Variants in ZMAT4 observed in about 807,000 individuals in gnomAD.
ZMAT4 encodes zinc finger matrin-type protein 4.
ZMAT4 carries 17 observed loss-of-function variants against 28.7 expected under a neutral mutation model. The ratio of observed to expected loss-of-function variants is 0.59; its 90% CI spans 0.41 to 0.89. The LOEUF (loss-of-function observed/expected upper bound fraction) is 0.89, where lower values mean the gene tolerates loss of function less well. ZMAT4 is among the 40% of genes least tolerant of loss of function. The pLI, the probability that ZMAT4 is intolerant of heterozygous loss-of-function variation, is 0.00. For synonymous variants in ZMAT4, 117 were observed against 109.2 expected (o/e 1.07, Z -0.44); for missense variants, 240 against 283.8 (o/e 0.85, Z 1.11).
Position 40,859,785 on chromosome 8 carries a change from G to T in ZMAT4, c.-4-34105C>A, listed in dbSNP as rs188463126. On this transcript the variant is annotated intron_variant, in intron 1 of 6. Transcript: ENST00000297737. ...ACTATGAGCAGCCAAGTTAGGTCAT[G>T]AGGGGTGAGTGGAAAAAAAAAAGGC... Among the ~76,000 whole-genome samples, 16 of 151,920 alleles carry T rather than the reference G, an allele frequency of 1.1e-4. No homozygotes were observed. In the East Asian group the frequency reaches 3.1e-3, roughly 29 times the overall value.
At chr8:40,892,388 C>T (rs117128121) in intron 1 of ZMAT4, among the ~76,000 whole-genome samples, 3 of 152,274 alleles carry the variant, frequency 2.0e-5, no homozygotes, top group East Asian at 3.9e-4. Flanking sequence ...GGAGCCCCCC[C>T]AGGGATGGGT....
chr8:40,539,564 T>C (rs889575062), intron 6 of ZMAT4, among the ~76,000 whole-genome samples: 2 of 152,246 alleles, frequency 1.3e-5, no homozygotes, highest in South Asian at 4.1e-4. Context: ...TGGTTATTAA[T>C]TTCATTTAGC....
chr8:40,714,174 G>C (rs1217891283), intron 3 of ZMAT4, among the ~76,000 whole-genome samples: 1 of 152,058 alleles, frequency 6.6e-6, no homozygotes, highest in Admixed American at 6.6e-5. Context: ...ATAGTGATTT[G>C]AGAATGTGGA....
intron 2 of ZMAT4, among the ~76,000 whole-genome samples, chr8:40,806,475 T>A (rs1221284792): frequency 6.6e-6 from 1 of 152,200 alleles, no homozygotes; most frequent in Non-Finnish European, 1.5e-5. Flanking sequence ...TTCTCAGACA[T>A]GTGCTGCCAT....
At chr8:40,888,870 G>T (rs1013037463) in intron 1 of ZMAT4, among the ~76,000 whole-genome samples, 2 of 152,228 alleles carry the variant, frequency 1.3e-5, no homozygotes, top group African/African-American at 2.4e-5. Flanking sequence ...TAAGCCAAAG[G>T]CATGGCTTCT....
At chr8:40,806,207 C>T (rs1044644148) in intron 2 of ZMAT4, among the ~76,000 whole-genome samples, 5 of 152,182 alleles carry the variant, frequency 3.3e-5, no homozygotes, top group Non-Finnish European at 7.3e-5. Context: ...TGCATGTGGG[C>T]AGTTCGATCC....
chr8:40,679,361 G>C (rs1267677408), intron 4 of ZMAT4, among the ~76,000 whole-genome samples: 1 of 152,058 alleles, frequency 6.6e-6, no homozygotes, highest in East Asian at 1.9e-4. Flanking sequence ...ATATTAGTCT[G>C]TTCTCACCCT....
At chr8:40,598,832 TAG>T (rs1171630559) in intron 5 of ZMAT4, among the ~76,000 whole-genome samples, 2 of 151,876 alleles carry the variant, frequency 1.3e-5, no homozygotes, top group African/African-American at 2.4e-5. Context: ...ATGCAGTTTT[TAG>T]ATGTAGTTAT....
chr8:40,875,788 G>T (rs1818022805), intron 1 of ZMAT4, among the ~76,000 whole-genome samples: 1 of 152,068 alleles, frequency 6.6e-6, no homozygotes, highest in African/African-American at 2.4e-5. Context: ...GAGGTCATTG[G>T]TCCGCCCTTC....
chr8:40,633,245 C>T (rs549015745), intron 5 of ZMAT4, among the ~76,000 whole-genome samples: 3 of 151,882 alleles, frequency 2.0e-5, no homozygotes, highest in African/African-American at 7.2e-5. Flanking sequence ...CTGTTATTAA[C>T]CCCACATTCA....
intron 3 of ZMAT4, among the ~76,000 whole-genome samples, chr8:40,747,725 T>TC (rs1234245146): frequency 1.3e-5 from 2 of 152,194 alleles, no homozygotes; most frequent in East Asian, 3.9e-4. Flanking sequence ...AATTTTTTCA[T>TC]CCCCCATTAC....
intron 1 of ZMAT4, among the ~76,000 whole-genome samples, chr8:40,857,269 C>T (rs1171733974): frequency 1.3e-5 from 2 of 151,894 alleles, no homozygotes; most frequent in Admixed American, 6.6e-5. Context: ...GCAGAAGGAT[C>T]GTTTGAGTCA....
At chr8:40,597,824 T>G (rs1027730476) in intron 5 of ZMAT4, among the ~76,000 whole-genome samples, 1 of 152,214 alleles carries the variant, frequency 6.6e-6, no homozygotes, top group African/African-American at 2.4e-5. Context: ...TCTGAAGGAA[T>G]GCTTAATCTT....
rs1585712155 is a variant in ZMAT4, at chr8:40,581,057, G to A, written c.674+108C>T. On this transcript the variant is annotated intron_variant, in intron 6 of 6. Coordinates refer to ENST00000297737, the MANE Select transcript of ZMAT4 (RefSeq NM_024645.3). ...ATGTGAACTTTGAAGCAAAAGAGAT[G>A]TAATTTCCACTCTACTTATTTAGAA... 4.7e-6 allele frequency: 4 copies of A among 857,946 alleles called. No individual in the cohort carries two copies. The East Asian group carries it at 1.0e-4, about 22-fold the overall frequency. The allele number at this position is 857,946 out of a possible 1,614,324, so 53.1% of individuals were successfully genotyped here.
intron 5 of ZMAT4, among the ~76,000 whole-genome samples, chr8:40,606,559 T>C (rs1355840475): frequency 6.6e-6 from 1 of 152,234 alleles, no homozygotes; most frequent in Non-Finnish European, 1.5e-5. Context: ...TGTTAATCTA[T>C]TAGGTTTTCC....
At chr8:40,656,424 C>T (rs530639201) in intron 5 of ZMAT4, among the ~76,000 whole-genome samples, 7 of 152,154 alleles carry the variant, frequency 4.6e-5, no homozygotes, top group African/African-American at 1.7e-4. Flanking sequence ...TCATATGACC[C>T]AGCAATTCTA....
intron 1 of ZMAT4, among the ~76,000 whole-genome samples, chr8:40,896,131 T>C (rs1383489083): frequency 1.3e-5 from 2 of 152,180 alleles, no homozygotes; most frequent in Non-Finnish European, 2.9e-5. Context: ...TAATCACAGT[T>C]CCCACCCAAA....
At chr8:40,697,091 T>G (rs563201607) in intron 4 of ZMAT4, 154 bp downstream of exon 4, 11 of 829,592 alleles carry the variant, frequency 1.3e-5, no homozygotes, top group Non-Finnish European at 2.0e-5. Context: ...CAGCCAGGTC[T>G]GCTGAGGTCA....
chr8:40,735,670 T>G (rs1370742390), intron 3 of ZMAT4, among the ~76,000 whole-genome samples: 1 of 152,230 alleles, frequency 6.6e-6, no homozygotes, highest in Non-Finnish European at 1.5e-5. Flanking sequence ...GGGACATTCC[T>G]ATAGCTGGCA....
Sources: allele counts gnomAD v4.1 joint callset (sites outside exome capture counted in the v4.1 genomes callset), GRCh38; gene constraint gnomAD v4.1.1; transcripts MANE v1.5; gene names NCBI Gene and HGNC (gene_info 2026-07-23, HGNC 2026-07-21).